Variants in AGBL4 observed in about 807,000 individuals in gnomAD.
The protein encoded by AGBL4 is AGBL carboxypeptidase 4, also known as cytosolic carboxypeptidase 6.
Under a neutral mutation model 66.4 loss-of-function variants are expected in AGBL4, and 58 were observed. The ratio of observed to expected loss-of-function variants is 0.87; its 90% CI spans 0.71 to 1.09. AGBL4 has a LOEUF of 1.09. Ranked by LOEUF, AGBL4 falls within the 50% of genes least tolerant of loss-of-function variation. The pLI is 0.00. For missense variants in AGBL4, 579 were observed against 631.0 expected (o/e 0.92, Z 0.88); for synonymous variants, 234 against 222.9 (o/e 1.05, Z -0.44).
chr1:48,607,393 G>T (rs929971072), intron 9 of AGBL4, among the ~76,000 whole-genome samples: 1 of 151,958 alleles, frequency 6.6e-6, no homozygotes, highest in Non-Finnish European at 1.5e-5. Context: ...TGAGGCGGGC[G>T]GATCACCTGA....
At chr1:48,860,942 A>G (rs1570856550) in intron 6 of AGBL4, among the ~76,000 whole-genome samples, 2 of 152,242 alleles carry the variant, frequency 1.3e-5, no homozygotes, top group African/African-American at 2.4e-5. Context: ...CTCCAGATGA[A>G]ACTTATTTTA....
intron 6 of AGBL4, among the ~76,000 whole-genome samples, chr1:48,730,411 C>T (rs573584110): frequency 2.6e-4 from 39 of 152,282 alleles, no homozygotes; most frequent in African/African-American, 9.1e-4. Flanking sequence ...ACGAAAGTAG[C>T]ATTTCAAACC....
intron 1 of AGBL4, among the ~76,000 whole-genome samples, chr1:49,954,316 A>C (rs1403400047): frequency 6.6e-6 from 1 of 152,058 alleles, no homozygotes; most frequent in African/African-American, 2.4e-5. Context: ...CAGTATTAAC[A>C]GTATTAAGAG....
chr1:49,917,679 A>T (rs1214595086), intron 1 of AGBL4, among the ~76,000 whole-genome samples: 1 of 152,168 alleles, frequency 6.6e-6, no homozygotes, highest in Non-Finnish European at 1.5e-5. Context: ...GATCAATGAG[A>T]CAGAAAGTTA....
intron 3 of AGBL4, among the ~76,000 whole-genome samples, chr1:49,530,274 A>AAAAAAAAAAAAAAC (rs1553221141): frequency 1.5e-4 from 20 of 134,824 alleles, no homozygotes; most frequent in Admixed American, 5.0e-4. Flanking sequence ...AAAAAAAAAC[A>AAAAAAAAAAAAAAC]AAAAAAAACT....
intron 2 of AGBL4, among the ~76,000 whole-genome samples, chr1:49,766,403 C>T (rs1481979297): frequency 6.6e-6 from 1 of 152,048 alleles, no homozygotes; most frequent in East Asian, 1.9e-4. Context: ...GAATTCATTA[C>T]CACTAGACAA....
At chr1:48,796,914 C>T (rs146003730) in intron 6 of AGBL4, among the ~76,000 whole-genome samples, 90 of 152,288 alleles carry the variant, frequency 5.9e-4, no homozygotes, top group African/African-American at 2.1e-3. Context: ...AAAGGTAAAC[C>T]TCCATAGTGG....
At chr1:49,656,883 A>T (rs1386696182) in intron 3 of AGBL4, among the ~76,000 whole-genome samples, 1 of 152,186 alleles carries the variant, frequency 6.6e-6, no homozygotes, top group Non-Finnish European at 1.5e-5. Flanking sequence ...ACTTATGACA[A>T]ACCCACAGCC....
At chr1:49,661,275 A>C (rs1286273063) in intron 3 of AGBL4, among the ~76,000 whole-genome samples, 1 of 152,076 alleles carries the variant, frequency 6.6e-6, no homozygotes, top group Non-Finnish European at 1.5e-5. Context: ...TCAAACTAAA[A>C]AGAATAGTCC....
chr1:49,550,968 G>A (rs1432481891), intron 3 of AGBL4, among the ~76,000 whole-genome samples: 6 of 151,998 alleles, frequency 3.9e-5, no homozygotes, highest in Non-Finnish European at 7.4e-5. Flanking sequence ...CATAATCCCA[G>A]ACTTCTTGGA....
intron 5 of AGBL4, among the ~76,000 whole-genome samples, chr1:49,002,632 T>C (rs1221644709): frequency 6.6e-6 from 1 of 152,218 alleles, no homozygotes; most frequent in Admixed American, 6.5e-5. Flanking sequence ...TTATTGGAAT[T>C]TCAAGAACTC....
intron 3 of AGBL4, among the ~76,000 whole-genome samples, chr1:49,516,040 T>TA (rs897805800): frequency 1.4e-4 from 19 of 135,396 alleles, no homozygotes; most frequent in South Asian, 4.7e-4. Flanking sequence ...AAGTATAATT[T>TA]AAAAAAAAAA....
intron 4 of AGBL4, among the ~76,000 whole-genome samples, chr1:49,227,094 CA>C (rs1211484229): frequency 6.6e-6 from 1 of 152,210 alleles, no homozygotes; most frequent in Non-Finnish European, 1.5e-5. Context: ...GATTAGATTT[CA>C]ACACATGAAT....
At chr1:49,077,339 A>T (rs995314881) in intron 4 of AGBL4, among the ~76,000 whole-genome samples, 1 of 152,184 alleles carries the variant, frequency 6.6e-6, no homozygotes, top group African/African-American at 2.4e-5. Context: ...GTCTGATTTA[A>T]ATAACCAAAG....
intron 10 of AGBL4, among the ~76,000 whole-genome samples, chr1:48,588,157 C>T (rs544789874): frequency 1.3e-5 from 2 of 152,230 alleles, no homozygotes; most frequent in Admixed American, 6.5e-5. Context: ...GTAAGTGATA[C>T]AGCACAAATC....
At chr1:49,204,480 A>C (rs1366891092) in intron 4 of AGBL4, among the ~76,000 whole-genome samples, 1 of 151,922 alleles carries the variant, frequency 6.6e-6, no homozygotes, top group African/African-American at 2.4e-5. Context: ...AAGTCTCTCT[A>C]TGTTGCTCAG....
chr1:49,090,726 G>GA (rs139461635), intron 4 of AGBL4, among the ~76,000 whole-genome samples: 1 of 151,932 alleles, frequency 6.6e-6, no homozygotes, highest in Non-Finnish European at 1.5e-5. Flanking sequence ...TGCAGAATTA[G>GA]AAAAAAACTA....
chr1:49,248,648 T>G (rs1651822425), intron 3 of AGBL4, among the ~76,000 whole-genome samples: 1 of 152,066 alleles, frequency 6.6e-6, no homozygotes, highest in Non-Finnish European at 1.5e-5. Context: ...TTTTTGGACA[T>G]TGTTTACATC....
At chr1:49,393,860 A>G (rs1644901431) in intron 3 of AGBL4, among the ~76,000 whole-genome samples, 1 of 152,178 alleles carries the variant, frequency 6.6e-6, no homozygotes, top group Non-Finnish European at 1.5e-5. Context: ...GATTACTCAC[A>G]TTTACTTGAT....
Sources: allele counts gnomAD v4.1 joint callset (sites outside exome capture counted in the v4.1 genomes callset), GRCh38; gene constraint gnomAD v4.1.1; transcripts MANE v1.5; gene names NCBI Gene and HGNC (gene_info 2026-07-23, HGNC 2026-07-21).